LRP1B: variants seen among roughly 807,000 people sequenced by gnomAD.
LRP1B encodes low-density lipoprotein receptor-related protein 1B.
A neutral mutation model predicts 556.6 loss-of-function variants in LRP1B; 217 were observed. That is an observed-to-expected ratio of 0.39 (90% CI 0.35 to 0.44). The LOEUF (loss-of-function observed/expected upper bound fraction) is 0.44. Among genes scored for constraint, LRP1B ranks in the 20% least tolerant of loss-of-function variants. LRP1B has a pLI of 1.00. For synonymous variants in LRP1B, 2,047 were observed against 1,865.8 expected (o/e 1.10, Z -2.50); for missense variants, 5,053 against 5,620.8 (o/e 0.90, Z 3.23).
At chr2:141,095,964 T>A (rs1241149616) in intron 7 of LRP1B, among the ~76,000 whole-genome samples, 1 of 152,152 alleles carries the variant, frequency 6.6e-6, no homozygotes, top group Admixed American at 6.6e-5. Flanking sequence ...CCCAAACTAT[T>A]CTACTATACC....
At chr2:140,787,711 C>T (rs1050248247) in intron 32 of LRP1B, among the ~76,000 whole-genome samples, 1 of 151,700 alleles carries the variant, frequency 6.6e-6, no homozygotes, top group Non-Finnish European at 1.5e-5. Context: ...GCAAGGACTA[C>T]AGGCATGCAC....
At chr2:142,108,361 T>A (rs570536916) in intron 1 of LRP1B, among the ~76,000 whole-genome samples, 1 of 152,250 alleles carries the variant, frequency 6.6e-6, no homozygotes, top group African/African-American at 2.4e-5. Flanking sequence ...TTAAAAAATC[T>A]ATAGGATCAG....
chr2:141,166,795 G>A lies in LRP1B; in HGVS notation c.1013+21626C>T, dbSNP rs936795140. 7.9e-5 allele frequency among the ~76,000 whole-genome samples: 12 copies of A among 151,878 alleles called. No homozygotes were observed. The South Asian group carries it at 8.3e-4, about 10-fold the overall frequency. The stretch of plus-strand genomic sequence containing the variant: ...TATTTACTGGTTGCAACAGAGTAAA[G>A]GATAAATAGCATTCTTTTAATAATT... On this transcript the variant is annotated intron_variant, in intron 7 of 90. Transcript: ENST00000389484.
chr2:140,441,215 A>G, intron 66 of LRP1B, among the ~76,000 whole-genome samples: 1 of 152,178 alleles, frequency 6.6e-6, no homozygotes, highest in East Asian at 1.9e-4. Context: ...AAGGAGAGGA[A>G]AATACAGAAA....
At chr2:140,544,202 T>C (rs1680240757) in intron 43 of LRP1B, among the ~76,000 whole-genome samples, 1 of 52,404 alleles carries the variant, frequency 1.9e-5, no homozygotes, top group East Asian at 1.0e-3. Flanking sequence ...TATTAACTTT[T>C]GAGTTCAGGG....
intron 1 of LRP1B, among the ~76,000 whole-genome samples, chr2:142,053,178 T>C (rs1227330665): frequency 6.6e-6 from 1 of 152,168 alleles, no homozygotes; most frequent in African/African-American, 2.4e-5. Context: ...ATACATGGAA[T>C]TATTTTCAAG....
At chr2:141,768,895 G>A (rs1434873694) in intron 2 of LRP1B, among the ~76,000 whole-genome samples, 1 of 151,938 alleles carries the variant, frequency 6.6e-6, no homozygotes. Context: ...GTGTGCATGT[G>A]TGGTCATTTA....
At chr2:140,387,911 C>A (rs2105202849) in intron 66 of LRP1B, among the ~76,000 whole-genome samples, 1 of 150,468 alleles carries the variant, frequency 6.6e-6, no homozygotes, top group African/African-American at 2.4e-5. Context: ...TTATTTACTC[C>A]TTGCATGTGT....
chr2:140,297,364 G>C (rs1029497398), intron 84 of LRP1B, among the ~76,000 whole-genome samples: 3 of 152,082 alleles, frequency 2.0e-5, no homozygotes, highest in Non-Finnish European at 4.4e-5. Flanking sequence ...CAATGGATTA[G>C]GGAACTACAT....
intron 66 of LRP1B, among the ~76,000 whole-genome samples, chr2:140,402,117 T>C (rs1382041284): frequency 3.9e-5 from 6 of 152,016 alleles, no homozygotes; most frequent in African/African-American, 1.2e-4. Context: ...AGAAAAGCAA[T>C]AGCAATCGCT....
chr2:141,513,039 A>G (rs140901665), intron 2 of LRP1B, among the ~76,000 whole-genome samples: 25 of 152,254 alleles, frequency 1.6e-4, no homozygotes, highest in Admixed American at 5.2e-4. Flanking sequence ...CTGTCCTACA[A>G]TGTGTCTACC....
chr2:141,800,414 T>A (rs1456536079), intron 2 of LRP1B, among the ~76,000 whole-genome samples: 2 of 152,226 alleles, frequency 1.3e-5, no homozygotes, highest in Non-Finnish European at 2.9e-5. Context: ...AATACTATCA[T>A]AAGTAGGGCC....
intron 2 of LRP1B, among the ~76,000 whole-genome samples, chr2:141,482,132 A>C (rs967198120): frequency 6.6e-6 from 1 of 152,170 alleles, no homozygotes; most frequent in Non-Finnish European, 1.5e-5. Context: ...AAAATTAGAA[A>C]ACAAATAAAA....
chr2:140,982,547 AATTC>A (rs1208748031), intron 17 of LRP1B, among the ~76,000 whole-genome samples: 4 of 152,320 alleles, frequency 2.6e-5, no homozygotes, highest in South Asian at 2.1e-4. Flanking sequence ...TGAAGCTATG[AATTC>A]ATTATTTTAA....
At chr2:140,500,183 G>T (rs1447624764) in intron 55 of LRP1B, among the ~76,000 whole-genome samples, 1 of 151,672 alleles carries the variant, frequency 6.6e-6, no homozygotes, top group Admixed American at 6.6e-5. Flanking sequence ...ACAATATTGG[G>T]TCTAAAAAAC....
chr2:140,402,012 T>G (rs533690269), intron 66 of LRP1B, among the ~76,000 whole-genome samples: 1 of 152,336 alleles, frequency 6.6e-6, no homozygotes, highest in Admixed American at 6.5e-5. Context: ...TACCCACTGC[T>G]GAGCGACCTG....
At chr2:140,412,458 A>T (rs1019942603) in intron 66 of LRP1B, among the ~76,000 whole-genome samples, 3 of 152,108 alleles carry the variant, frequency 2.0e-5, no homozygotes, top group African/African-American at 4.8e-5. Context: ...AATATATCAA[A>T]TTTAATCTAA....
At chr2:140,370,570 G>T in intron 71 of LRP1B, 140 bp downstream of exon 71, 1 of 1,169,156 alleles carries the variant, frequency 8.6e-7, no homozygotes, top group Non-Finnish European at 1.2e-6. Context: ...AGACCAGGCT[G>T]CTATGTAATG....
intron 3 of LRP1B, chr2:141,286,843 T>A (rs150623379): frequency 9.0e-4 from 306 of 340,664 alleles, no homozygotes; most frequent in African/African-American, 6.1e-3. Flanking sequence ...GCTGCCCAAT[T>A]GAACTTTCTG....
Sources: gnomAD v4.1 joint callset for allele counts (sites outside exome capture counted in the v4.1 genomes callset) on GRCh38, gnomAD v4.1.1 for gene constraint, MANE v1.5 for transcripts, NCBI Gene and HGNC (gene_info 2026-07-23, HGNC 2026-07-21) for gene names.